Variants in PIGK observed in about 807,000 individuals in gnomAD.
PIGK encodes the protein GPI-anchor transamidase.
Under a neutral mutation model 50.6 loss-of-function variants are expected in PIGK, and 42 were observed. The ratio of observed to expected loss-of-function variants is 0.83; its 90% CI spans 0.65 to 1.07. The LOEUF (loss-of-function observed/expected upper bound fraction) is 1.07. Among genes scored for constraint, PIGK ranks in the 50% least tolerant of loss-of-function variants. PIGK has a pLI of 0.00. For missense variants in PIGK, 448 were observed against 488.7 expected, an observed-to-expected ratio of 0.92 and a Z score of 0.78; for synonymous variants, 151 against 156.0, an observed-to-expected ratio of 0.97 and a Z score of 0.24.
chr1:77,179,049 G>A (rs912615446), intron 3 of PIGK, among the ~76,000 whole-genome samples: 1 of 152,212 alleles, frequency 6.6e-6, no homozygotes, highest in African/African-American at 2.4e-5. Context: ...AAATGGAGCT[G>A]CTTGTGCTAA....
chr1:77,154,612 A>G lies in PIGK; in HGVS notation c.823T>C (p.Cys275Arg), dbSNP rs1654968072. ...GTAGACACACACAGACTTTTGGGAC[A>G]TACCTGAAACTGAAAAAATATATAA... ...QTNMNDLFQV[C>R]PKSLCVSTPG... Residue 275 changes from cysteine (C) to arginine (R), a missense_variant, in exon 9 of 11, where the codon TGT becomes CGT. Physicochemically the swap from Cys to Arg is radical, Grantham distance 180. Transcript: ENST00000370812. The G allele has an allele frequency of 6.2e-7, 1 of 1,607,738 alleles. No individual in the cohort carries two copies. The highest frequency in any genetic ancestry group is 1.7e-5 in the Admixed American group (1 of 59,334).
intron 3 of PIGK, among the ~76,000 whole-genome samples, chr1:77,199,561 A>G (rs1656114445): frequency 6.6e-6 from 1 of 151,952 alleles, no homozygotes; most frequent in Admixed American, 6.6e-5. Flanking sequence ...TATGATTATC[A>G]ATATATTAAA....
chr1:77,219,418 A>G lies in PIGK; in HGVS notation c.-16T>C, dbSNP rs764264444. 1.2e-6 allele frequency: 2 copies of G among 1,609,408 alleles called. No individual in the cohort carries two copies. The highest frequency in any genetic ancestry group is 1.7e-6 in the Non-Finnish European group (2 of 1,176,888). Reference sequence around the variant, plus strand: ...TGACGGCCATGTTTACCGGCTTCAGACTTCCCGCACCTGAAGGGGCGGAGG... The same window carrying G: ...TGACGGCCATGTTTACCGGCTTCAGGCTTCCCGCACCTGAAGGGGCGGAGG... On this transcript the variant is annotated 5_prime_UTR_variant, in exon 1 of 11. Coordinates refer to ENST00000370812, the MANE Select transcript of PIGK (RefSeq NM_005482.3).
At chr1:77,149,864 A>T (rs1654854921) in intron 9 of PIGK, among the ~76,000 whole-genome samples, 1 of 152,204 alleles carries the variant, frequency 6.6e-6, no homozygotes, top group African/African-American at 2.4e-5. Flanking sequence ...AAGTCTCAAC[A>T]AATTCAAAAA....
chr1:77,167,215 G>A (rs1419133191), intron 4 of PIGK, among the ~76,000 whole-genome samples: 1 of 152,054 alleles, frequency 6.6e-6, no homozygotes, highest in African/African-American at 2.4e-5. Context: ...GCCAGGTATG[G>A]TAACATGCTC....
At chr1:77,177,379 C>T (rs1655511247) in intron 3 of PIGK, among the ~76,000 whole-genome samples, 2 of 152,158 alleles carry the variant, frequency 1.3e-5, no homozygotes, top group South Asian at 4.1e-4. Context: ...AACACCAGGC[C>T]CACCCAGGGC....
At chr1:77,119,714 CA>C (rs1302417004) in intron 10 of PIGK, among the ~76,000 whole-genome samples, 1 of 152,196 alleles carries the variant, frequency 6.6e-6, no homozygotes, top group Non-Finnish European at 1.5e-5. Context: ...TTCTGTTTCT[CA>C]AGTTTCTCCT....
intron 6 of PIGK, among the ~76,000 whole-genome samples, chr1:77,161,973 A>C (rs948811461): frequency 1.3e-5 from 2 of 152,196 alleles, no homozygotes; most frequent in African/African-American, 4.8e-5. Context: ...CATATAATTC[A>C]GAATCTAAAT....
At chr1:77,130,945 T>C (rs1161432578) in intron 9 of PIGK, among the ~76,000 whole-genome samples, 1 of 152,082 alleles carries the variant, frequency 6.6e-6, no homozygotes, top group Non-Finnish European at 1.5e-5. Context: ...GTGCTTAGAA[T>C]AGTGTTGGGT....
At chr1:77,181,433 C>T (rs549408873) in intron 3 of PIGK, among the ~76,000 whole-genome samples, 3 of 152,168 alleles carry the variant, frequency 2.0e-5, no homozygotes, top group South Asian at 4.1e-4. Context: ...AAAATTTTCA[C>T]GGAATGAAAT....
chr1:77,167,801 G>A (rs1655268219), intron 4 of PIGK, among the ~76,000 whole-genome samples: 1 of 152,276 alleles, frequency 6.6e-6, no homozygotes, highest in Middle Eastern at 3.4e-3. Context: ...TCTGTGGGAA[G>A]ATACAAAATA....
intron 8 of PIGK, among the ~76,000 whole-genome samples, chr1:77,158,368 A>C (rs1244328038): frequency 6.6e-6 from 1 of 151,844 alleles, no homozygotes; most frequent in Non-Finnish European, 1.5e-5. Flanking sequence ...GTATTTCTTC[A>C]TAGCAGTATG....
chr1:77,120,602 G>A (rs113911609), intron 10 of PIGK, among the ~76,000 whole-genome samples: 7 of 152,220 alleles, frequency 4.6e-5, no homozygotes, highest in African/African-American at 1.4e-4. Context: ...CAGTTGGACC[G>A]GCTAATGGTA....
In PIGK at chr1:77,206,748, A is replaced by G. The variant is rs749377793; in HGVS notation, c.148-17T>C. On this transcript the variant is annotated splice_polypyrimidine_tract_variant and intron_variant, in intron 2 of 10. Coordinates refer to ENST00000370812, the MANE Select transcript of PIGK (RefSeq NM_005482.3). ...TGTACACACCTGAAGTATTAAAACA[A>G]AAACAGAATTTTTATGCATCAAGGC... The G allele has an allele frequency of 6.6e-7, 1 of 1,523,546 alleles. No individual in the cohort carries two copies. The highest frequency in any genetic ancestry group is 1.7e-5 in the Admixed American group (1 of 59,714). 94.4% of individuals were successfully genotyped at this position (1,523,546 alleles called of 1,614,324 possible). A position where few individuals can be genotyped will look rare whatever the true frequency, so the allele number is the denominator to read the frequency against.
At chr1:77,100,430 G>A (rs998787126) in intron 10 of PIGK, among the ~76,000 whole-genome samples, 5 of 152,170 alleles carry the variant, frequency 3.3e-5, no homozygotes, top group African/African-American at 1.2e-4. Context: ...AAGTCAAACT[G>A]TGGTAGGCAG....
At chr1:77,177,697 G>A (rs1252744741) in intron 3 of PIGK, among the ~76,000 whole-genome samples, 3 of 151,974 alleles carry the variant, frequency 2.0e-5, no homozygotes, top group East Asian at 1.9e-4. Flanking sequence ...TTCCTCTAGC[G>A]CCGCTGAGTT....
At chr1:77,154,741 A>G (rs1654971765) in intron 8 of PIGK, 120 bp from the exon 9 acceptor site, 1 of 683,028 alleles carries the variant, frequency 1.5e-6, no homozygotes, top group African/African-American at 1.9e-5. Context: ...TAAAGAAGCT[A>G]TGTGTTCTAA....
At chr1:77,127,694 ACAT>A (rs1654263086) in intron 9 of PIGK, among the ~76,000 whole-genome samples, 1 of 152,200 alleles carries the variant, frequency 6.6e-6, no homozygotes, top group Non-Finnish European at 1.5e-5. Flanking sequence ...AATTAAAGAC[ACAT>A]CATCTAGAGT....
intron 3 of PIGK, among the ~76,000 whole-genome samples, chr1:77,180,184 A>ATGATGAT (rs1385652839): frequency 6.6e-6 from 1 of 152,212 alleles, no homozygotes; most frequent in Non-Finnish European, 1.5e-5. Flanking sequence ...TCTACCATGC[A>ATGATGAT]TGATGATTCA....
Sources: gnomAD v4.1 joint callset for allele counts (sites outside exome capture counted in the v4.1 genomes callset) on GRCh38, gnomAD v4.1.1 for gene constraint, MANE v1.5 for transcripts, NCBI Gene and HGNC (gene_info 2026-07-23, HGNC 2026-07-21) for gene names.